EIF5A: variants seen among roughly 807,000 people sequenced by gnomAD.
The protein encoded by EIF5A is eukaryotic translation initiation factor 5A-1.
EIF5A carries 1 observed loss-of-function variant against 16.6 expected under a neutral mutation model. The ratio of observed to expected loss-of-function variants is 0.06; its 90% confidence interval spans 0.02 to 0.28. The LOEUF is 0.28. EIF5A is among the 10% of genes least tolerant of loss of function. EIF5A has a pLI of 1.00. For synonymous variants in EIF5A, 80 were observed against 73.6 expected, an observed-to-expected ratio of 1.09 and a Z score of -0.44; for missense variants, 29 against 196.1, an observed-to-expected ratio of 0.15 and a Z score of 5.09.
At position 7,311,078 on chromosome 17, in the gene EIF5A, A is replaced by G. The variant is rs776133800; in HGVS notation, c.226A>G (p.Thr76Ala). The G allele has an allele frequency of 5.0e-6, 8 of 1,613,762 alleles. No homozygotes were observed. Among genetic ancestry groups the G allele is most frequent in the Non-Finnish European group, 5.9e-6 (7 of 1,179,838 alleles). The change falls in exon 3 of 6, where the codon ACT (threonine) becomes GCT (alanine). Residue 76 changes from threonine to alanine, a missense_variant. Physicochemically the swap from Thr to Ala is moderately conservative, Grantham distance 58. Coordinates refer to ENST00000336458, the MANE Select transcript of EIF5A (RefSeq NM_001970.5). ...GAAATATGAAGATATCTGCCCGTCA[A>G]CTCATAATATGGATGTCCCCAACAT... Reference protein sequence around the residue: ...GKKYEDICPSTHNMDVPNIKR... With the variant: ...GKKYEDICPSAHNMDVPNIKR...
rs1362189081 is a variant in EIF5A at position 7,310,918 on chromosome 17, A to G, written c.166-100A>G. ...CAACACTCCAGTCTTTGCCCCAACA[A>G]TGTAATTCTGACTTCCCTCATCAGG... On this transcript the variant is annotated intron_variant, in intron 2 of 5. Coordinates refer to ENST00000336458, the MANE Select transcript of EIF5A (RefSeq NM_001970.5). The G allele has an allele frequency of 3.0e-5, 44 of 1,475,936 alleles. No individual in the cohort carries two copies. In the South Asian group the frequency reaches 5.7e-4, roughly 19 times the overall value. The allele number at this position is 1,475,936 out of a possible 1,614,324, so 91.4% of individuals were successfully genotyped here.
At chr17:7,310,217 C>T (rs530996423) in intron 2 of EIF5A, 305 of 1,290,598 alleles carry the variant, frequency 2.4e-4, no homozygotes, top group Non-Finnish European at 2.8e-4. Flanking sequence ...GGGACTCCTG[C>T]GTCAATTCTG....
chr17:7,310,351 C>G, intron 2 of EIF5A: 1 of 1,227,736 alleles, frequency 8.1e-7, no homozygotes, highest in Non-Finnish European at 1.0e-6. Flanking sequence ...AGCCTCCATG[C>G]TTTCATGGGT....
At chr17:7,310,972 C>A (rs377440415) in intron 2 of EIF5A, 46 bp from the exon 3 acceptor site, 11 of 1,570,674 alleles carry the variant, frequency 7.0e-6, no homozygotes, top group East Asian at 6.8e-5. Flanking sequence ...TTATTTCCTC[C>A]GTTTTAGAGT....
At chr17:7,308,703 CG>C (rs1204755418) in intron 1 of EIF5A, 1 of 692,128 alleles carries the variant, frequency 1.4e-6, no homozygotes, top group Non-Finnish European at 2.1e-6. Flanking sequence ...AGTTTCCCAC[CG>C]TGATAGGCGT....
chr17:7,310,489 C>T, intron 2 of EIF5A: 1 of 1,171,570 alleles, frequency 8.5e-7, no homozygotes, highest in Non-Finnish European at 1.1e-6. Flanking sequence ...CATCTTTTGA[C>T]TTGACATTGA....
chr17:7,311,312 G>T (rs1244293634), intron 3 of EIF5A, 38 bp from the exon 4 acceptor site: 2 of 1,613,738 alleles, frequency 1.2e-6, no homozygotes, highest in Admixed American at 3.3e-5. Context: ...GCCTCCCTGG[G>T]CCTACTACCT....
At chr17:7,308,482 G>C in intron 1 of EIF5A, 1 of 1,349,490 alleles carries the variant, frequency 7.4e-7, no homozygotes, top group Non-Finnish European at 9.8e-7. Flanking sequence ...ACCCCGGAGG[G>C]CCTGCTGCAG....
chr17:7,308,070 G>T, intron 1 of EIF5A: 5 of 988,162 alleles, frequency 5.1e-6, no homozygotes, highest in Non-Finnish European at 6.0e-6. Context: ...CCGGGGCAAG[G>T]GTACCTGGGC....
intron 2 of EIF5A, chr17:7,310,469 TC>T: frequency 4.3e-6 from 5 of 1,173,960 alleles, no homozygotes; most frequent in Non-Finnish European, 5.3e-6. Context: ...TTTTCCTTAA[TC>T]AGTTTTTCCA....
chr17:7,308,236 GGA>G lies in EIF5A; in HGVS notation c.-22+485_-22+486del, dbSNP rs2072690232. ...CTGAGGAGGGGGCGGCCGCGGCACC[GGA>G]AGTGCCCCCCACGGGAGGCTGCCCT... On this transcript the variant is annotated intron_variant, in intron 1 of 5. Transcript: ENST00000336458. 2.9e-6 allele frequency: 3 copies of G among 1,021,388 alleles called. No individual in the cohort carries two copies. In the South Asian group the frequency reaches 7.4e-5, roughly 25 times the overall value. The allele number at this position is 1,021,388 out of a possible 1,614,324, so 63.3% of individuals were successfully genotyped here.
At chr17:7,310,959 CCTTT>C in intron 2 of EIF5A, 55 bp from the exon 3 acceptor site, 5 of 1,552,914 alleles carry the variant, frequency 3.2e-6, no homozygotes, top group Non-Finnish European at 4.4e-6. Flanking sequence ...TCAATTTGAG[CCTTT>C]ATTTCCTCCG....
intron 5 of EIF5A, 35 bp from the exon 6 acceptor site, chr17:7,311,787 T>G: frequency 8.6e-7 from 1 of 1,165,468 alleles, no homozygotes; most frequent in Non-Finnish European, 1.2e-6. Context: ...GTTGAAGGTA[T>G]TATCCTGTCT....
intron 1 of EIF5A, 57 bp downstream of exon 1, chr17:7,307,809 G>A (rs2072670120): frequency 1.0e-6 from 1 of 989,452 alleles, no homozygotes; most frequent in African/African-American, 1.8e-5. Context: ...GGGAGAAGAT[G>A]GAACTGCGCG....
chr17:7,308,251 G>A, intron 1 of EIF5A: 1 of 1,042,614 alleles, frequency 9.6e-7, no homozygotes, highest in Non-Finnish European at 1.2e-6. Flanking sequence ...TGCCCCCCAC[G>A]GGAGGCTGCC....
intron 1 of EIF5A, chr17:7,308,511 C>T (rs767288500): frequency 2.2e-6 from 3 of 1,351,390 alleles, no homozygotes; most frequent in Non-Finnish European, 2.0e-6. Context: ...TAGCGCTTCC[C>T]AACCTCAAGG....
chr17:7,307,726 G>T lies in EIF5A; in HGVS notation c.-48G>T. ...GCGGTTGGGCTCGCGGCGAGCGGAC[G>T]GGGTCGAGTCAGTGCGTTCGCGCGA... On this transcript the variant is annotated 5_prime_UTR_variant, in exon 1 of 6. Transcript: ENST00000336458. The T allele has an allele frequency of 9.6e-7, 1 of 1,038,516 alleles. No individual in the cohort carries two copies. The highest frequency in any genetic ancestry group is 1.2e-6 in the Non-Finnish European group (1 of 865,522). 64.3% of individuals were successfully genotyped at this position (1,038,516 alleles called of 1,614,324 possible). A position where few individuals can be genotyped will look rare whatever the true frequency, so the allele number is the denominator to read the frequency against.
intron 1 of EIF5A, chr17:7,308,372 C>T (rs1478349617): frequency 8.4e-7 from 1 of 1,191,810 alleles, no homozygotes. Flanking sequence ...ACATGGTCGG[C>T]AGGAGCCGGC....
At chr17:7,308,359 G>C in intron 1 of EIF5A, 1 of 1,182,700 alleles carries the variant, frequency 8.5e-7, no homozygotes, top group Non-Finnish European at 1.1e-6. Flanking sequence ...GCCCGGAACG[G>C]CCACATGGTC....
Sources: gnomAD v4.1 joint callset for allele counts on GRCh38, gnomAD v4.1.1 for gene constraint, MANE v1.5 for transcripts, NCBI Gene and HGNC (gene_info 2026-07-23, HGNC 2026-07-21) for gene names.